The following ADGRB3 variants were observed in gnomAD, a reference collection of about 807,000 sequenced individuals.
The protein encoded by ADGRB3 is brain-specific angiogenesis inhibitor 3.
ADGRB3 carries 37 observed loss-of-function variants against 193.4 expected under a neutral mutation model. The ratio of observed to expected loss-of-function variants is 0.19; its 90% confidence interval spans 0.15 to 0.25. The LOEUF is 0.25. ADGRB3 is among the 10% of genes least tolerant of loss of function. The pLI is 1.00. For missense variants in ADGRB3, 1,637 were observed against 1,852.9 expected (o/e 0.88, Z 2.14); for synonymous variants, 690 against 644.2 (o/e 1.07, Z -1.08).
At chr6:69,168,466 A>T (rs1006761802) in intron 17 of ADGRB3, among the ~76,000 whole-genome samples, 1 of 152,186 alleles carries the variant, frequency 6.6e-6, no homozygotes. Context: ...TTGATGGAGA[A>T]CTAAAGGTTG....
At chr6:68,772,862 CAAA>C (rs1766646299) in intron 3 of ADGRB3, among the ~76,000 whole-genome samples, 1 of 13,880 alleles carries the variant, frequency 7.2e-5, no homozygotes, top group Non-Finnish European at 1.5e-4. Context: ...TAAAAACAAA[CAAA>C]CAAACAAACA....
intron 17 of ADGRB3, among the ~76,000 whole-genome samples, chr6:69,173,823 T>C (rs1055527767): frequency 4.6e-5 from 7 of 152,182 alleles, no homozygotes; most frequent in Non-Finnish European, 7.3e-5. Context: ...ATTCTGAGGA[T>C]GCTGAGCAAA....
chr6:68,798,441 C>G (rs1223732485), intron 3 of ADGRB3, among the ~76,000 whole-genome samples: 2 of 142,744 alleles, frequency 1.4e-5, no homozygotes, highest in East Asian at 4.2e-4. Context: ...AAACGTAAAG[C>G]TGTTTGGTTT....
At chr6:69,343,244 T>G (rs1045674291) in intron 26 of ADGRB3, among the ~76,000 whole-genome samples, 32 of 151,594 alleles carry the variant, frequency 2.1e-4, no homozygotes, top group African/African-American at 7.8e-4. Flanking sequence ...GCAGGTTAGT[T>G]ACATATGTAT....
chr6:68,754,410 TTG>T (rs1170266682), intron 3 of ADGRB3, among the ~76,000 whole-genome samples: 1 of 152,192 alleles, frequency 6.6e-6, no homozygotes, highest in Non-Finnish European at 1.5e-5. Flanking sequence ...TCCCTCTCTC[TTG>T]TTTACTATCA....
At chr6:68,925,585 T>C (rs1262737236) in intron 3 of ADGRB3, among the ~76,000 whole-genome samples, 2 of 152,046 alleles carry the variant, frequency 1.3e-5, no homozygotes, top group Non-Finnish European at 2.9e-5. Context: ...TGTAAGATTG[T>C]ATGGCTTGAA....
chr6:69,087,915 A>T (rs1772595896), intron 17 of ADGRB3, among the ~76,000 whole-genome samples: 1 of 152,166 alleles, frequency 6.6e-6, no homozygotes, highest in African/African-American at 2.4e-5. Context: ...GTGTTAATAG[A>T]TCTTTTCAGC....
intron 20 of ADGRB3, among the ~76,000 whole-genome samples, chr6:69,297,421 T>C (rs1049397651): frequency 1.9e-4 from 28 of 151,240 alleles, no homozygotes; most frequent in African/African-American, 6.6e-4. Context: ...TATATATATA[T>C]ATATATGCTT....
intron 16 of ADGRB3, among the ~76,000 whole-genome samples, chr6:69,073,873 C>T (rs1327597737): frequency 1.3e-5 from 2 of 152,160 alleles, no homozygotes; most frequent in Admixed American, 1.3e-4. Flanking sequence ...GGCCGACCTC[C>T]GCCCCAGTCT....
chr6:68,899,646 A>G (rs1329106114), intron 3 of ADGRB3, among the ~76,000 whole-genome samples: 1 of 152,064 alleles, frequency 6.6e-6, no homozygotes, highest in Non-Finnish European at 1.5e-5. Flanking sequence ...GCTGCATAGT[A>G]TTCCATGGTG....
chr6:69,100,798 GA>G (rs570383329), intron 17 of ADGRB3, among the ~76,000 whole-genome samples: 15 of 131,042 alleles, frequency 1.1e-4, no homozygotes, highest in African/African-American at 1.4e-4. Context: ...TAGACGGAAG[GA>G]AAAAAAAGAC....
chr6:68,772,069 T>G (rs1424325360), intron 3 of ADGRB3, among the ~76,000 whole-genome samples: 1 of 152,038 alleles, frequency 6.6e-6, no homozygotes, highest in African/African-American at 2.4e-5. Context: ...CAGCACTTAG[T>G]AGGAGGAATT....
intron 3 of ADGRB3, among the ~76,000 whole-genome samples, chr6:68,829,158 G>C (rs911387913): frequency 7.5e-6 from 1 of 132,640 alleles, no homozygotes; most frequent in Non-Finnish European, 1.5e-5. Flanking sequence ...GGAGTGTAGT[G>C]GCACAATCTC....
chr6:69,369,213 A>G (rs2127338543), intron 29 of ADGRB3, among the ~76,000 whole-genome samples: 1 of 152,278 alleles, frequency 6.6e-6, no homozygotes, highest in South Asian at 2.1e-4. Context: ...TGGAATTAAT[A>G]TTTTAGAGAG....
At position 68,802,971 on chromosome 6, in the gene ADGRB3, A is replaced by G. The variant is rs983018591; in HGVS notation, c.758-127588A>G. Among the ~76,000 whole-genome samples the G allele has an allele frequency of 4.6e-5, 7 of 152,082 alleles. No individual in the cohort carries two copies. In the East Asian group the frequency reaches 1.3e-3, roughly 29 times the overall value. On this transcript the variant is annotated intron_variant, in intron 3 of 31. Transcript: ENST00000370598. ...TCATCTACCTCGACTTATCTTTCCAATGTTGTCACTGGCCCCTGTCCCTCA... is the reference window on the plus strand; with the variant it reads ...TCATCTACCTCGACTTATCTTTCCAGTGTTGTCACTGGCCCCTGTCCCTCA...
At chr6:69,344,686 C>G (rs1769047251) in intron 26 of ADGRB3, among the ~76,000 whole-genome samples, 1 of 152,110 alleles carries the variant, frequency 6.6e-6, no homozygotes, top group Non-Finnish European at 1.5e-5. Context: ...TTGAGTATGA[C>G]TCATTAGCAT....
intron 17 of ADGRB3, among the ~76,000 whole-genome samples, chr6:69,169,829 G>A (rs1202114160): frequency 6.6e-6 from 1 of 152,090 alleles, no homozygotes; most frequent in East Asian, 1.9e-4. Flanking sequence ...TGGCCCAATA[G>A]AGGATAGTTT....
chr6:69,139,653 T>A (rs959035027), intron 17 of ADGRB3, among the ~76,000 whole-genome samples: 5 of 152,170 alleles, frequency 3.3e-5, no homozygotes, highest in Admixed American at 6.5e-5. Context: ...CCTAAATTAA[T>A]CCTCCCAAAA....
At chr6:68,840,649 T>C (rs1270644731) in intron 3 of ADGRB3, among the ~76,000 whole-genome samples, 1 of 151,732 alleles carries the variant, frequency 6.6e-6, no homozygotes, top group Non-Finnish European at 1.5e-5. Context: ...TGCAGGTTAA[T>C]AGAGAACCAG....
Sources: allele counts gnomAD v4.1 joint callset (sites outside exome capture counted in the v4.1 genomes callset), GRCh38; gene constraint gnomAD v4.1.1; transcripts MANE v1.5; gene names NCBI Gene and HGNC (gene_info 2026-07-23, HGNC 2026-07-21).